Variants in DGAT2 observed in about 807,000 individuals in gnomAD.
The protein encoded by DGAT2 is acyl-CoA retinol O-fatty-acyltransferase.
DGAT2 carries 33 observed loss-of-function variants against 48.4 expected under a neutral mutation model. That is an observed-to-expected ratio of 0.68 (90% CI 0.52 to 0.91). DGAT2 has a LOEUF of 0.91. Among genes scored for constraint, DGAT2 ranks in the 40% least tolerant of loss-of-function variants. DGAT2 has a pLI of 0.00. For synonymous variants in DGAT2, 191 were observed against 194.1 expected (o/e 0.98, Z 0.13); for missense variants, 446 against 493.7 (o/e 0.90, Z 0.92).
chr11:75,789,324 A>T (rs954916747), intron 2 of DGAT2, among the ~76,000 whole-genome samples: 1 of 151,904 alleles, frequency 6.6e-6, no homozygotes, highest in Non-Finnish European at 1.5e-5. Context: ...AATTTTTTAA[A>T]TTTTTTTGTA....
chr11:75,798,224 C>T lies in DGAT2; in HGVS notation c.810-3C>T. The T allele has an allele frequency of 1.2e-6, 2 of 1,614,122 alleles. No homozygotes were observed. Among genetic ancestry groups the T allele is most frequent in the South Asian group, 1.1e-5 (1 of 91,090 alleles). On this transcript the variant is annotated splice_region_variant and splice_polypyrimidine_tract_variant and intron_variant, in intron 6 of 7. Transcript: ENST00000228027. The stretch of plus-strand genomic sequence containing the variant: ...ATGACAGACCCTGGCCTCTCCCTTC[C>T]AGAGCTGACCTGGTTCCCATCTACT...
chr11:75,800,616 A>G lies in DGAT2; in HGVS notation c.*108A>G, dbSNP rs575023953. The stretch of plus-strand genomic sequence containing the variant: ...CTGTGGGTTATTTAAAAGAAATTAT[A>G]ACAATTTTGCTAAACCATTACAATG... On this transcript the variant is annotated 3_prime_UTR_variant, in exon 8 of 8. Coordinates refer to ENST00000228027, the MANE Select transcript of DGAT2 (RefSeq NM_032564.5). 1.3e-5 allele frequency: 17 copies of G among 1,353,888 alleles called. No homozygotes were observed. Among genetic ancestry groups the G allele is most frequent in the Admixed American group, 5.4e-5 (2 of 37,090 alleles). The allele number at this position is 1,353,888 out of a possible 1,614,324, so 83.9% of individuals were successfully genotyped here.
At chr11:75,775,816 C>G (rs1317509227) in intron 1 of DGAT2, 4 of 152,306 alleles carry the variant, frequency 2.6e-5, no homozygotes, top group Non-Finnish European at 4.4e-5. Context: ...TAAGAACACC[C>G]TCCTGTGGGG....
At chr11:75,774,627 G>T (rs1321671966) in intron 1 of DGAT2, among the ~76,000 whole-genome samples, 1 of 152,086 alleles carries the variant, frequency 6.6e-6, no homozygotes, top group East Asian at 1.9e-4. Flanking sequence ...TTCCATTCTT[G>T]TCCCTAACTG....
At chr11:75,788,926 A>G (rs750076919) in intron 2 of DGAT2, among the ~76,000 whole-genome samples, 18 of 152,208 alleles carry the variant, frequency 1.2e-4, no homozygotes, top group Non-Finnish European at 2.4e-4. Flanking sequence ...CTTCTTGAAG[A>G]GCTGAGGTCT....
chr11:75,782,568 T>G (rs1944878014), intron 1 of DGAT2, among the ~76,000 whole-genome samples: 1 of 152,186 alleles, frequency 6.6e-6, no homozygotes, highest in Admixed American at 6.5e-5. Context: ...GCCCCAGCCC[T>G]TGGATCAAGG....
At chr11:75,796,888 G>C (rs920824900) in intron 5 of DGAT2, 49 of 438,348 alleles carry the variant, frequency 1.1e-4, no homozygotes, top group African/African-American at 6.5e-4. Context: ...CCAACACCTC[G>C]CACCGACTTG....
intron 7 of DGAT2, 36 bp from the exon 8 acceptor site, chr11:75,800,318 G>C (rs1405360047): frequency 6.2e-7 from 1 of 1,606,222 alleles, no homozygotes. Flanking sequence ...GGGGAAGGGT[G>C]TTGACTAACC....
intron 2 of DGAT2, among the ~76,000 whole-genome samples, chr11:75,786,168 T>G (rs1944920594): frequency 6.6e-6 from 1 of 151,572 alleles, no homozygotes; most frequent in Admixed American, 6.5e-5. Context: ...AAACACTGGT[T>G]GGAAGAACTG....
At chr11:75,785,413 A>G (rs1944911060) in intron 2 of DGAT2, among the ~76,000 whole-genome samples, 1 of 152,148 alleles carries the variant, frequency 6.6e-6, no homozygotes, top group East Asian at 1.9e-4. Flanking sequence ...CACATTCCCC[A>G]GGTGCTTCCC....
rs1273602425 is a variant in DGAT2, at chr11:75,789,315, A to G, written c.251-873A>G. 2.6e-5 allele frequency among the ~76,000 whole-genome samples: 4 copies of G among 152,058 alleles called. No individual in the cohort carries two copies. In the East Asian group the frequency reaches 7.7e-4, roughly 29 times the overall value. ...AGGCACATGCCACCTTGCCCAGCTA[A>G]TTTTTTAAATTTTTTTGTAGAGATG... On this transcript the variant is annotated intron_variant, in intron 2 of 7. Transcript: ENST00000228027.
At position 75,800,641 on chromosome 11, in the gene DGAT2, G is replaced by A. The variant is rs953774083; in HGVS notation, c.*133G>A. 11 of 1,132,788 alleles carry A rather than the reference G, an allele frequency of 9.7e-6. No individual in the cohort carries two copies. The highest frequency in any genetic ancestry group is 5.0e-4 in the Middle Eastern group (2 of 4,018). The allele number at this position is 1,132,788 out of a possible 1,614,324, so 70.2% of individuals were successfully genotyped here. ...AACAATTTTGCTAAACCATTACAAT[G>A]TTAGGTCTTTTTTAAGAAGGAAAAA... is the stretch of plus-strand genomic sequence containing the variant. On this transcript the variant is annotated 3_prime_UTR_variant, in exon 8 of 8. Transcript: ENST00000228027.
chr11:75,779,640 A>C (rs1293015603), intron 1 of DGAT2, among the ~76,000 whole-genome samples: 1 of 152,146 alleles, frequency 6.6e-6, no homozygotes, highest in East Asian at 1.9e-4. Flanking sequence ...CAAAGGTAGG[A>C]GCAAATGAGC....
At chr11:75,775,503 C>T (rs1178979649) in intron 1 of DGAT2, among the ~76,000 whole-genome samples, 1 of 152,192 alleles carries the variant, frequency 6.6e-6, no homozygotes, top group Non-Finnish European at 1.5e-5. Context: ...AACTCACTGG[C>T]GTTTTGGGAC....
chr11:75,776,082 G>A (rs1944800766), intron 1 of DGAT2: 1 of 152,100 alleles, frequency 6.6e-6, no homozygotes, highest in South Asian at 2.1e-4. Flanking sequence ...CTTCCTCTGG[G>A]GCCTTCCACC....
chr11:75,790,185 C>A lies in DGAT2; in HGVS notation c.251-3C>A, dbSNP rs112873306. 1.9e-6 allele frequency: 3 copies of A among 1,611,954 alleles called. No individual in the cohort carries two copies. The highest frequency in any genetic ancestry group is 2.2e-5 in the East Asian group (1 of 44,876). Reference sequence around the variant, plus strand: ...ACCTGACCTGTGGCCATCTGCCCCCCAGGAGTGGCCTGCAGTGCCATCCTC... The same window carrying A: ...ACCTGACCTGTGGCCATCTGCCCCCAAGGAGTGGCCTGCAGTGCCATCCTC... On this transcript the variant is annotated splice_region_variant and splice_polypyrimidine_tract_variant and intron_variant, in intron 2 of 7. Coordinates refer to ENST00000228027, the MANE Select transcript of DGAT2 (RefSeq NM_032564.5).
At chr11:75,797,390 A>ACTGGGCT in intron 6 of DGAT2, 58 bp downstream of exon 6, 1 of 1,373,222 alleles carries the variant, frequency 7.3e-7, no homozygotes, top group South Asian at 1.9e-5. Flanking sequence ...CCAGGGCAGC[A>ACTGGGCT]GACTCCTTGG....
intron 3 of DGAT2, 35 bp from the exon 4 acceptor site, chr11:75,790,626 C>T (rs775732688): frequency 6.2e-7 from 1 of 1,603,460 alleles, no homozygotes; most frequent in South Asian, 1.1e-5. Flanking sequence ...AATGTACCCC[C>T]ACCCCCACCA....
intron 1 of DGAT2, among the ~76,000 whole-genome samples, chr11:75,780,601 C>A (rs781501288): frequency 1.3e-5 from 2 of 152,188 alleles, no homozygotes; most frequent in Non-Finnish European, 2.9e-5. Context: ...CCTGACCCAC[C>A]CCTCTGAAGG....
Sources: gnomAD v4.1 joint callset for allele counts (sites outside exome capture counted in the v4.1 genomes callset) on GRCh38, gnomAD v4.1.1 for gene constraint, MANE v1.5 for transcripts, NCBI Gene and HGNC (gene_info 2026-07-23, HGNC 2026-07-21) for gene names.